Variants in PNPLA1 observed in about 807,000 individuals in gnomAD.
The protein encoded by PNPLA1 is patatin like domain 1, omega-hydroxyceramide transacylase, also known as omega-hydroxyceramide transacylase.
PNPLA1 carries 36 observed loss-of-function variants against 51.7 expected under a neutral mutation model. The observed-to-expected ratio is 0.70, with a 90% CI of 0.53 to 0.92. The LOEUF is 0.92. PNPLA1 is among the 40% of genes least tolerant of loss of function. PNPLA1 has a pLI of 0.00. For synonymous variants in PNPLA1, 293 were observed against 280.1 expected (o/e 1.05, Z -0.46); for missense variants, 658 against 682.5 (o/e 0.96, Z 0.40).
At chr6:36,298,639 A>G (rs1047002608) in intron 5 of PNPLA1, among the ~76,000 whole-genome samples, 1 of 152,210 alleles carries the variant, frequency 6.6e-6, no homozygotes, top group Non-Finnish European at 1.5e-5. Context: ...GGTACTTCAT[A>G]TAAATGGAAT....
intron 1 of PNPLA1, among the ~76,000 whole-genome samples, chr6:36,284,337 G>A (rs986259154): frequency 2.6e-5 from 4 of 152,230 alleles, no homozygotes; most frequent in Non-Finnish European, 5.9e-5. Context: ...CATTAAAGAT[G>A]TTGTTTTGTT....
chr6:36,256,642 T>C (rs1769539908), intron 1 of PNPLA1, among the ~76,000 whole-genome samples: 3 of 152,004 alleles, frequency 2.0e-5, no homozygotes, highest in Admixed American at 2.0e-4. Context: ...GAGACGGGGT[T>C]TCACCATGTT....
intron 6 of PNPLA1, among the ~76,000 whole-genome samples, chr6:36,303,877 A>G (rs1343213275): frequency 1.3e-5 from 2 of 152,204 alleles, no homozygotes; most frequent in Admixed American, 1.3e-4. Context: ...TATAACTAAT[A>G]AAAACACAGT....
rs575624110 is a variant in PNPLA1 at position 36,256,637 on chromosome 6, G to A, written c.-81+13376G>A. Among the ~76,000 whole-genome samples, 408 of 152,012 alleles carry A rather than the reference G, an allele frequency of 2.7e-3. 3 individuals carry two copies. The highest frequency in any genetic ancestry group is 0.017 in the Middle Eastern group (5 of 294). On this transcript the variant is annotated intron_variant, in intron 1 of 7. Coordinates refer to the PNPLA1 transcript ENST00000312917. Reference sequence around the variant, plus strand: ...TAATTTTTGTATTTTTAGTGGAGACGGGGTTTCACCATGTTAGCCAGGATG... The same window carrying A: ...TAATTTTTGTATTTTTAGTGGAGACAGGGTTTCACCATGTTAGCCAGGATG...
intron 1 of PNPLA1, among the ~76,000 whole-genome samples, chr6:36,288,680 G>A (rs1044519438): frequency 6.6e-6 from 1 of 151,526 alleles, no homozygotes; most frequent in African/African-American, 2.4e-5. Context: ...GGATGGTCTC[G>A]ATCTCCTGAC....
intron 1 of PNPLA1, among the ~76,000 whole-genome samples, chr6:36,257,397 C>G (rs746857305): frequency 6.6e-6 from 1 of 152,200 alleles, no homozygotes; most frequent in Admixed American, 6.5e-5. Context: ...TGATTAAAGA[C>G]CCACATTCCT....
Position 36,291,324 on chromosome 6 carries a change from G to A in PNPLA1, c.210G>A (p.Glu70=). The change falls in exon 2 of 9, where the codon GAG becomes GAA. Residue 70 remains glutamate, a synonymous_variant. Transcript: ENST00000636260. ...TCTTCTCTGCTTCCTTTGCAGATGA[G>A]TATCTCAGAGTCCTCAACGTGGGTG... ...ALAICGIEMD[E]YLRVLNVGVA... is the part of the protein sequence containing the mutation. 1 of 1,613,784 alleles carries A rather than the reference G, an allele frequency of 6.2e-7. No homozygotes were observed. Among genetic ancestry groups the A allele is most frequent in the Non-Finnish European group, 8.5e-7 (1 of 1,179,788 alleles).
chr6:36,294,205 G>T lies in PNPLA1; in HGVS notation c.520G>T (p.Gly174Cys). The change falls in exon 4 of 9, where the codon GGC becomes TGC. Residue 174 changes from glycine to cysteine, a missense_variant. Physicochemically the swap from Gly to Cys is radical, Grantham distance 159. Coordinates refer to ENST00000636260, the MANE Select transcript of PNPLA1 (RefSeq NM_001374623.1). This position sits in a 1 kb window ranked among gnomAD's most constrained non-coding sequence, Gnocchi z 4.2. ...TYRGVRYIDG[G>C]FTGMQPCAFW... ...GCCCCCACAGAGGTACATCGATGGG[G>T]GCTTCACGGGCATGCAGCCCTGTGC... 2.5e-6 allele frequency: 4 copies of T among 1,614,150 alleles called. No individual in the cohort carries two copies. Among genetic ancestry groups the T allele is most frequent in the African/African-American group, 2.7e-5 (2 of 75,038 alleles).
intron 7 of PNPLA1, among the ~76,000 whole-genome samples, chr6:36,306,599 G>A (rs1771245502): frequency 6.6e-6 from 1 of 152,182 alleles, no homozygotes; most frequent in Non-Finnish European, 1.5e-5. Flanking sequence ...TGGTGATGAT[G>A]TCATTCTCTT....
chr6:36,293,143 G>A lies in PNPLA1; in HGVS notation c.504+17G>A. The A allele has an allele frequency of 2.5e-6, 4 of 1,611,606 alleles. No homozygotes were observed. The highest frequency in any genetic ancestry group is 1.1e-5 in the South Asian group (1 of 91,038). On this transcript the variant is annotated intron_variant, in intron 3 of 8. Coordinates refer to ENST00000636260, the MANE Select transcript of PNPLA1 (RefSeq NM_001374623.1). ...CGCGGTGTGGTGAGTGCTTCGGCAT[G>A]GTGAGGGGTGAGATGGGATCCAAGG...
In PNPLA1 at chr6:36,270,496, C is replaced by G; in HGVS notation, c.37C>G (p.Pro13Ala). The G allele has an allele frequency of 6.4e-7, 1 of 1,551,514 alleles. No individual in the cohort carries two copies. The highest frequency in any genetic ancestry group is 8.7e-7 in the Non-Finnish European group (1 of 1,147,000). Residue 13 changes from proline (P) to alanine (A), a missense_variant, in exon 1 of 9, where the codon CCT becomes GCT. By Grantham distance (27) the Pro-to-Ala change is conservative. Transcript: ENST00000636260. ...EQVFKGDPDT[P>A]HSISFSGSGF... is the part of the protein sequence containing the mutation. The stretch of plus-strand genomic sequence containing the variant: ...GGTGTTCAAGGGGGACCCGGACACC[C>G]CTCACTCCATCTCCTTCTCGGGCAG...
chr6:36,292,978 TG>T, intron 2 of PNPLA1, 82 bp from the exon 3 acceptor site: 1 of 1,223,240 alleles, frequency 8.2e-7, no homozygotes, highest in Non-Finnish European at 1.2e-6. Flanking sequence ...GGGCTGGTGG[TG>T]GGTGGCCCAG....
At chr6:36,298,297 T>G (rs1656213645) in intron 5 of PNPLA1, among the ~76,000 whole-genome samples, 1 of 152,228 alleles carries the variant, frequency 6.6e-6, no homozygotes, top group African/African-American at 2.4e-5. Context: ...AAAGCTGCTA[T>G]GAACACTCAC....
rs1056296459 is a variant in PNPLA1, at chr6:36,294,793, T to A, written c.714+394T>A. Among the ~76,000 whole-genome samples the A allele has an allele frequency of 3.3e-5, 5 of 151,938 alleles. No homozygotes were observed. Among genetic ancestry groups the A allele is most frequent in the Non-Finnish European group, 5.9e-5 (4 of 67,992 alleles). On this transcript the variant is annotated intron_variant, in intron 4 of 8. Transcript: ENST00000636260. This position sits in a 1 kb window ranked among gnomAD's most constrained non-coding sequence, Gnocchi z 4.2. ...AGGGTTTTCCATTTTTAGAGAGTTA[T>A]GGGGGAAAGAAAAAAAGAAGAAAAA...
Position 36,294,316 on chromosome 6 carries a change from T to A in PNPLA1, c.631T>A (p.Phe211Ile). Residue 211 changes from phenylalanine to isoleucine, a missense_variant, in exon 4 of 9, where the codon TTC (phenylalanine) becomes ATC (isoleucine). By Grantham distance (21) the Phe-to-Ile change is conservative. Transcript: ENST00000636260. The surrounding 1 kb of genome is among the most constrained non-coding windows in gnomAD (Gnocchi z 4.2). ...PRDCPAIFHD[F>I]RMFNCSFQFS... ...GGACTGCCCGGCCATCTTCCACGACTTCCGCATGTTCAACTGCTCCTTCCA... is the reference window on the plus strand; with the variant it reads ...GGACTGCCCGGCCATCTTCCACGACATCCGCATGTTCAACTGCTCCTTCCA... The A allele has an allele frequency of 6.2e-7, 1 of 1,614,214 alleles. No individual in the cohort carries two copies. Among genetic ancestry groups the A allele is most frequent in the Non-Finnish European group, 8.5e-7 (1 of 1,180,038 alleles).
rs923368821 is a variant in PNPLA1 at position 36,312,022 on chromosome 6, T to G, written c.*136T>G. 6 of 152,620 alleles carry G rather than the reference T, an allele frequency of 3.9e-5. No homozygotes were observed. Among genetic ancestry groups the G allele is most frequent in the African/African-American group, 1.2e-4 (5 of 41,440 alleles). 9.5% of individuals were successfully genotyped at this position (152,620 alleles called of 1,614,324 possible). ...GGTCAACACTAGCCCAGGCAGTACCTTTTATACTAAGAAAATAGCACCTCT... is the reference window on the plus strand; with the variant it reads ...GGTCAACACTAGCCCAGGCAGTACCGTTTATACTAAGAAAATAGCACCTCT... On this transcript the variant is annotated 3_prime_UTR_variant, in exon 9 of 9. Transcript: ENST00000636260.
chr6:36,309,503 C>T (rs571098827), intron 8 of PNPLA1, among the ~76,000 whole-genome samples: 1 of 152,282 alleles, frequency 6.6e-6, no homozygotes, highest in East Asian at 1.9e-4. Flanking sequence ...GGCTCCAGTT[C>T]CTTGATTCCA....
rs9470248 is a variant in PNPLA1 at position 36,303,383 on chromosome 6, G to A, written c.1384+914G>A. Among the ~76,000 whole-genome samples, 1,415 of 151,888 alleles carry A rather than the reference G, an allele frequency of 9.3e-3. 14 individuals are homozygous for A. The highest frequency in any genetic ancestry group is 0.021 in the African/African-American group (864 of 41,450). On this transcript the variant is annotated intron_variant, in intron 6 of 8. Coordinates refer to ENST00000636260, the MANE Select transcript of PNPLA1 (RefSeq NM_001374623.1). ...GCTGGGACTACAGGCGTGAGCCACC[G>A]CGCCCAGCCAGAAATTTTTAAAAAA... is the stretch of plus-strand genomic sequence containing the variant.
intron 8 of PNPLA1, among the ~76,000 whole-genome samples, chr6:36,310,633 A>C (rs550808140): frequency 1.3e-5 from 2 of 152,370 alleles, no homozygotes; most frequent in African/African-American, 4.8e-5. Flanking sequence ...AGGTTAAGTA[A>C]CATGCCCGAA....
Sources: gnomAD v4.1 joint callset for allele counts (sites outside exome capture counted in the v4.1 genomes callset) on GRCh38, gnomAD v4.1.1 for gene constraint, Gnocchi (gnomAD v3.1) non-coding constraint, MANE v1.5 for transcripts, NCBI Gene and HGNC (gene_info 2026-07-23, HGNC 2026-07-21) for gene names.